Variants in PCDH11X observed in about 807,000 individuals in gnomAD.
PCDH11X encodes protocadherin-11 X-linked.
Under a neutral mutation model 53.3 loss-of-function variants are expected in PCDH11X, and 18 were observed. That is an observed-to-expected ratio of 0.34 (90% confidence interval 0.23 to 0.50). The LOEUF (loss-of-function observed/expected upper bound fraction) is 0.50. PCDH11X is among the 20% of genes least tolerant of loss of function. PCDH11X has a pLI of 0.98. For synonymous variants in PCDH11X, 279 were observed against 393.3 expected, an observed-to-expected ratio of 0.71 and a Z score of 3.44; for missense variants, 570 against 1,032.4, an observed-to-expected ratio of 0.55 and a Z score of 6.14.
intron 10 of PCDH11X, among the ~76,000 whole-genome samples, chrX:92,492,608 T>A (rs2148686009): frequency 9.1e-6 from 1 of 110,187 alleles, no homozygotes; most frequent in African/African-American, 3.3e-5. Flanking sequence ...GATTAGAAAT[T>A]GAGGTAGCAA....
chrX:91,840,740 A>AT (rs1012175117), intron 5 of PCDH11X, among the ~76,000 whole-genome samples: 2 of 109,686 alleles, frequency 1.8e-5, no homozygotes, highest in Admixed American at 9.9e-5. Flanking sequence ...AGAAATTAAT[A>AT]TTTTTTAACA....
At chrX:92,319,868 C>A (rs1185460823) in intron 8 of PCDH11X, among the ~76,000 whole-genome samples, 1 of 111,384 alleles carries the variant, frequency 9.0e-6, no homozygotes, top group African/African-American at 3.3e-5. Context: ...AGATCAAGAT[C>A]TTTTCAGTTT....
intron 10 of PCDH11X, among the ~76,000 whole-genome samples, chrX:92,472,190 G>A (rs984127327): frequency 5.5e-5 from 6 of 109,602 alleles, no homozygotes; most frequent in South Asian, 3.9e-4. Context: ...GCCTGTATCC[G>A]GAATGATACT....
chrX:92,297,999 T>C (rs1355121963), intron 8 of PCDH11X, among the ~76,000 whole-genome samples: 1 of 110,560 alleles, frequency 9.0e-6, no homozygotes, highest in African/African-American at 3.3e-5. Flanking sequence ...TGATTTTGTA[T>C]CCTGAAACTT....
chrX:91,788,334 T>C (rs1195830799), intron 1 of PCDH11X, among the ~76,000 whole-genome samples: 18 of 111,753 alleles, frequency 1.6e-4, no homozygotes, highest in Non-Finnish European at 2.6e-4. Flanking sequence ...GTGCATATTA[T>C]GTTATAAAAC....
chrX:92,209,415 C>T (rs757750329), intron 7 of PCDH11X, among the ~76,000 whole-genome samples: 3 of 112,237 alleles, frequency 2.7e-5, no homozygotes, highest in South Asian at 3.7e-4. Context: ...ACAGGCCCTA[C>T]GCAAGTCCAA....
At chrX:92,328,584 AAATT>A (rs1344572063) in intron 8 of PCDH11X, among the ~76,000 whole-genome samples, 9 of 110,695 alleles carry the variant, frequency 8.1e-5, no homozygotes, top group African/African-American at 2.9e-4. Flanking sequence ...AGAGAGAAGA[AAATT>A]AATAGTATTT....
chrX:92,050,024 C>T (rs1398987363), intron 6 of PCDH11X, among the ~76,000 whole-genome samples: 2 of 112,195 alleles, frequency 1.8e-5, no homozygotes, highest in Admixed American at 9.5e-5. Context: ...ATCTGCCCGC[C>T]TCGGCCTCCC....
chrX:91,992,904 T>C (rs2062350324), intron 6 of PCDH11X, among the ~76,000 whole-genome samples: 1 of 112,045 alleles, frequency 8.9e-6, no homozygotes, highest in Non-Finnish European at 1.9e-5. Flanking sequence ...CTATCAGATA[T>C]TGCTTCACTA....
chrX:92,070,566 T>G (rs897181381), intron 6 of PCDH11X, among the ~76,000 whole-genome samples: 2 of 111,462 alleles, frequency 1.8e-5, no homozygotes, highest in African/African-American at 6.5e-5. Flanking sequence ...GTTATTTGTT[T>G]CTTTTCTCTT....
rs950932658 is a variant in PCDH11X, at chrX:92,543,995, G to A, written c.3368-74269G>A. Among the ~76,000 whole-genome samples the A allele has an allele frequency of 2.3e-4, 24 of 106,320 alleles. No individual in the cohort carries two copies. The East Asian group carries it at 6.2e-3, about 27-fold the overall frequency. 92.3% of individuals were successfully genotyped at this position (106,320 alleles called of 115,157 possible). ...AGACAATGGAAGGAAGAAAAGAAGG[G>A]AGGTAATTTTAAAAACCATATACTT... On this transcript the variant is annotated intron_variant, in intron 10 of 10. Transcript: ENST00000682573.
At chrX:92,128,597 C>T (rs1193958127) in intron 6 of PCDH11X, among the ~76,000 whole-genome samples, 1 of 109,292 alleles carries the variant, frequency 9.1e-6, no homozygotes, top group Non-Finnish European at 1.9e-5. Context: ...GGGGGTTTCA[C>T]CATGTAGGCC....
chrX:92,017,453 C>T (rs1338998293), intron 6 of PCDH11X, among the ~76,000 whole-genome samples: 1 of 107,422 alleles, frequency 9.3e-6, no homozygotes, highest in South Asian at 4.2e-4. Context: ...AATCCCAACA[C>T]TTTGGGAGGC....
At chrX:92,456,255 T>C (rs2072906385) in intron 9 of PCDH11X, among the ~76,000 whole-genome samples, 1 of 111,824 alleles carries the variant, frequency 8.9e-6, no homozygotes, top group African/African-American at 3.2e-5. Context: ...CATGGTTATA[T>C]TCTCTTAGAC....
chrX:92,482,236 A>G (rs1216276499), intron 10 of PCDH11X, among the ~76,000 whole-genome samples: 1 of 112,265 alleles, frequency 8.9e-6, no homozygotes. Flanking sequence ...GTAGATGTTA[A>G]ATATTATGCT....
At chrX:92,046,862 T>C (rs774588921) in intron 6 of PCDH11X, among the ~76,000 whole-genome samples, 47 of 104,683 alleles carry the variant, frequency 4.5e-4, no homozygotes, top group South Asian at 2.6e-3. Context: ...TCTTCTCAAA[T>C]ATAGTTGTCT....
chrX:92,583,203 G>A (rs759083567), intron 10 of PCDH11X, among the ~76,000 whole-genome samples: 128 of 102,515 alleles, frequency 1.2e-3, no homozygotes, highest in African/African-American at 4.4e-3. Context: ...AGGTTCAAGC[G>A]ATTCTCCTGC....
chrX:91,987,358 A>G (rs2062243218), intron 6 of PCDH11X, among the ~76,000 whole-genome samples: 1 of 112,011 alleles, frequency 8.9e-6, no homozygotes, highest in African/African-American at 3.2e-5. Flanking sequence ...CTGGGATTAC[A>G]GGCATGAGCC....
At chrX:92,464,570 C>T (rs1408814130) in intron 9 of PCDH11X, among the ~76,000 whole-genome samples, 1 of 110,651 alleles carries the variant, frequency 9.0e-6, no homozygotes, top group Non-Finnish European at 1.9e-5. Flanking sequence ...TATAAATTAC[C>T]CAGTCTTGGG....
Sources: allele counts gnomAD v4.1 joint callset (sites outside exome capture counted in the v4.1 genomes callset), GRCh38; gene constraint gnomAD v4.1.1; transcripts MANE v1.5; gene names NCBI Gene and HGNC (gene_info 2026-07-23, HGNC 2026-07-21).